Variants in THSD7A observed in about 807,000 individuals in gnomAD.
THSD7A encodes the protein thrombospondin type 1 domain containing 7A, also known as thrombospondin type-1 domain-containing protein 7A.
A neutral mutation model predicts 231.3 loss-of-function variants in THSD7A; 96 were observed. The ratio of observed to expected loss-of-function variants is 0.41; its 90% CI spans 0.35 to 0.49. The LOEUF (loss-of-function observed/expected upper bound fraction) is 0.49, where lower values mean the gene tolerates loss of function less well. Ranked by LOEUF, THSD7A falls within the 20% of genes least tolerant of loss-of-function variation. The pLI is 0.05. For missense variants in THSD7A, 2,290 were observed against 2,070.2 expected, an observed-to-expected ratio of 1.11 and a Z score of -2.06; for synonymous variants, 940 against 743.3, an observed-to-expected ratio of 1.26 and a Z score of -4.30.
intron 1 of THSD7A, among the ~76,000 whole-genome samples, chr7:11,769,154 T>TATA (rs1554275711): frequency 5.4e-3 from 159 of 29,370 alleles, no homozygotes; most frequent in South Asian, 0.026. Context: ...TATATATATA[T>TATA]TTTTTTTTTT....
intron 6 of THSD7A, among the ~76,000 whole-genome samples, chr7:11,486,013 T>A (rs992764794): frequency 6.6e-6 from 1 of 152,226 alleles, no homozygotes; most frequent in Admixed American, 6.5e-5. Context: ...ATCTTCAGCA[T>A]TCCAGGCATA....
At chr7:11,544,565 T>C (rs1042684262) in intron 4 of THSD7A, among the ~76,000 whole-genome samples, 20 of 152,138 alleles carry the variant, frequency 1.3e-4, no homozygotes, top group African/African-American at 4.1e-4. Flanking sequence ...TTAAACTACA[T>C]TTTCCTAACT....
intron 1 of THSD7A, among the ~76,000 whole-genome samples, chr7:11,692,814 A>G (rs1780275569): frequency 6.6e-6 from 1 of 151,580 alleles, no homozygotes; most frequent in Non-Finnish European, 1.5e-5. Flanking sequence ...CTAAAACCTT[A>G]CTAAAAATAA....
intron 26 of THSD7A, 199 bp from the exon 27 acceptor site, chr7:11,376,856 G>A (rs1423204607): frequency 5.1e-6 from 2 of 392,066 alleles, no homozygotes. Context: ...AAGCTATCAA[G>A]GAAAACTGAA....
intron 2 of THSD7A, among the ~76,000 whole-genome samples, chr7:11,601,563 G>T (rs1780554924): frequency 6.6e-6 from 1 of 152,152 alleles, no homozygotes. Flanking sequence ...TTTAAGCCAG[G>T]AGAGCTCCTG....
At chr7:11,519,919 C>G (rs1007825449) in intron 6 of THSD7A, 6 of 152,136 alleles carry the variant, frequency 3.9e-5, no homozygotes, top group Non-Finnish European at 8.8e-5. Context: ...TTCAGATGGC[C>G]CTTCTGCTCT....
At chr7:11,764,740 A>C (rs1005539866) in intron 1 of THSD7A, among the ~76,000 whole-genome samples, 1 of 152,126 alleles carries the variant, frequency 6.6e-6, no homozygotes, top group Non-Finnish European at 1.5e-5. Flanking sequence ...CTAATGGATT[A>C]TATTAGGATT....
chr7:11,401,999 A>G, intron 22 of THSD7A, 31 bp from the exon 23 acceptor site: 1 of 1,588,566 alleles, frequency 6.3e-7, no homozygotes, highest in Non-Finnish European at 8.6e-7. Flanking sequence ...ATTTACACCC[A>G]TATCCACAGA....
chr7:11,507,523 C>A (rs1562667345), intron 6 of THSD7A, among the ~76,000 whole-genome samples: 2 of 150,980 alleles, frequency 1.3e-5, no homozygotes, highest in Non-Finnish European at 2.9e-5. Context: ...AAAATATTAT[C>A]CTTATTTAGG....
chr7:11,820,488 T>C (rs942399270), intron 1 of THSD7A: 2 of 1,022,350 alleles, frequency 2.0e-6, no homozygotes, highest in African/African-American at 1.6e-5. Flanking sequence ...ATGCAAGTAA[T>C]ACTTCTTGCT....
intron 1 of THSD7A, among the ~76,000 whole-genome samples, chr7:11,782,602 C>T (rs1429730773): frequency 6.6e-6 from 1 of 151,978 alleles, no homozygotes; most frequent in Admixed American, 6.6e-5. Context: ...TGATCATCAC[C>T]GAAATTAACC....
intron 20 of THSD7A, 65 bp downstream of exon 20, chr7:11,407,241 A>T (rs781414529): frequency 3.8e-5 from 56 of 1,468,118 alleles, no homozygotes; most frequent in Admixed American, 9.7e-5. Flanking sequence ...GGGTTAAAGC[A>T]AGAGGGATAT....
chr7:11,683,203 A>G (rs1783936522), intron 1 of THSD7A, among the ~76,000 whole-genome samples: 1 of 151,948 alleles, frequency 6.6e-6, no homozygotes, highest in South Asian at 2.1e-4. Context: ...TATCATCAGG[A>G]GCTCTTAAAA....
Position 11,638,232 on chromosome 7 carries a change from G to A in THSD7A, c.191-1271C>T, listed in dbSNP as rs534887390. On this transcript the variant is annotated intron_variant, in intron 1 of 27. Transcript: ENST00000423059. ...CCTGCTAAAGTAGGTCAATGGATTCGCTCTACGGATGAGAAAAACAGGAAA... is the reference window on the plus strand; with the variant it reads ...CCTGCTAAAGTAGGTCAATGGATTCACTCTACGGATGAGAAAAACAGGAAA... Among the ~76,000 whole-genome samples, 833 of 152,282 alleles carry A rather than the reference G, an allele frequency of 5.5e-3. 8 individuals carry two copies. The highest frequency in any genetic ancestry group is 4.8e-3 in the Non-Finnish European group (328 of 68,028).
intron 2 of THSD7A, among the ~76,000 whole-genome samples, chr7:11,622,350 C>T (rs952525531): frequency 1.3e-5 from 2 of 151,852 alleles, no homozygotes. Context: ...TATTTTAAGG[C>T]CATTATTTAT....
chr7:11,731,337 G>T (rs1225149688), intron 1 of THSD7A, among the ~76,000 whole-genome samples: 2 of 151,422 alleles, frequency 1.3e-5, no homozygotes, highest in African/African-American at 4.8e-5. Context: ...ATTCCCAAAA[G>T]TACCTACCAT....
chr7:11,544,144 C>A (rs967177484), intron 4 of THSD7A, among the ~76,000 whole-genome samples: 1 of 152,056 alleles, frequency 6.6e-6, no homozygotes, highest in South Asian at 2.1e-4. Context: ...GAGCTAGAGA[C>A]CATCCAGGCC....
intron 1 of THSD7A, among the ~76,000 whole-genome samples, chr7:11,648,452 T>G (rs1471845226): frequency 6.6e-6 from 1 of 152,112 alleles, no homozygotes; most frequent in East Asian, 1.9e-4. Flanking sequence ...GTTGTTGTTC[T>G]GTGTGGGCCT....
chr7:11,580,505 G>A (rs1279506360), intron 4 of THSD7A, among the ~76,000 whole-genome samples: 1 of 152,068 alleles, frequency 6.6e-6, no homozygotes, highest in Non-Finnish European at 1.5e-5. Flanking sequence ...CTGATGACAA[G>A]TATCAAGTAT....
Sources: allele counts gnomAD v4.1 joint callset (sites outside exome capture counted in the v4.1 genomes callset), GRCh38; gene constraint gnomAD v4.1.1; transcripts MANE v1.5; gene names NCBI Gene and HGNC (gene_info 2026-07-23, HGNC 2026-07-21).